The following IL7 variants were observed in gnomAD, a reference collection of about 807,000 sequenced individuals.
The protein encoded by IL7 is interleukin-7.
Under a neutral mutation model 21.6 loss-of-function variants are expected in IL7, and 3 were observed. That is an observed-to-expected ratio of 0.14 (90% confidence interval 0.06 to 0.36). The LOEUF is 0.36. Among genes scored for constraint, IL7 ranks in the 10% least tolerant of loss-of-function variants. IL7 has a pLI of 1.00. For synonymous variants in IL7, 62 were observed against 68.1 expected (o/e 0.91, Z 0.44); for missense variants, 175 against 200.2 (o/e 0.87, Z 0.76).
At chr8:78,738,019 G>A (rs886823610) in intron 4 of IL7, among the ~76,000 whole-genome samples, 6 of 152,000 alleles carry the variant, frequency 3.9e-5, no homozygotes, top group Non-Finnish European at 8.8e-5. Flanking sequence ...TAGAAAAGTA[G>A]GAAAATATTA....
At chr8:78,789,807 G>A (rs1813626533) in intron 2 of IL7, among the ~76,000 whole-genome samples, 1 of 152,170 alleles carries the variant, frequency 6.6e-6, no homozygotes, top group Non-Finnish European at 1.5e-5. Flanking sequence ...TGAGATGAAG[G>A]CCATCAAAGA....
intron 2 of IL7, chr8:78,761,515 T>G (rs1454114658): frequency 2.0e-5 from 33 of 1,611,778 alleles, no homozygotes; most frequent in Non-Finnish European, 2.7e-5. Context: ...CAGCCAAAAT[T>G]TCTGCATCAG....
chr8:78,771,548 C>G (rs923743048), intron 2 of IL7, among the ~76,000 whole-genome samples: 2 of 152,054 alleles, frequency 1.3e-5, no homozygotes, highest in African/African-American at 4.8e-5. Flanking sequence ...ATTAATGCCA[C>G]ATGGAGAAAC....
chr8:78,684,484 A>C (rs1809894214), intron 4 of IL7, among the ~76,000 whole-genome samples: 1 of 152,182 alleles, frequency 6.6e-6, no homozygotes, highest in Non-Finnish European at 1.5e-5. Context: ...TACCCCCATA[A>C]CAGGTGGAGT....
intron 2 of IL7, among the ~76,000 whole-genome samples, chr8:78,773,299 C>T (rs138582230): frequency 2.5e-4 from 38 of 152,216 alleles, no homozygotes; most frequent in African/African-American, 8.9e-4. Context: ...AAAACCCACA[C>T]AGACACGGGG....
chr8:78,716,804 A>G (rs2717539), downstream of IL7, among the ~76,000 whole-genome samples: 104,202 of 152,036 alleles, frequency 0.69, 36,568 homozygotes, highest in East Asian at 0.91. Flanking sequence ...CGATTGGATC[A>G]TGGGGGTGGA....
chr8:78,707,027 G>A lies in IL7; in HGVS notation n.214+14321C>T, dbSNP rs150845834. Among the ~76,000 whole-genome samples the A allele has an allele frequency of 1.7e-3, 265 of 152,254 alleles. 1 individual carries two copies. The highest frequency in any genetic ancestry group is 6.1e-3 in the African/African-American group (255 of 41,540). ...AAAAGTAAAAAAATTTTATCTTTTA[G>A]TGGTAAGAAACTGATCTGATTTATT... On this transcript the variant is annotated intron_variant and non_coding_transcript_variant, in intron 3 of 4. Coordinates refer to the IL7 transcript ENST00000523959.
chr8:78,740,661 A>C (rs1372364094), intron 2 of IL7, among the ~76,000 whole-genome samples: 1 of 152,218 alleles, frequency 6.6e-6, no homozygotes, highest in Non-Finnish European at 1.5e-5. Context: ...AACAGTCACA[A>C]CTAATTAATT....
downstream of IL7, among the ~76,000 whole-genome samples, chr8:78,730,454 T>A (rs567388173): frequency 5.7e-4 from 87 of 152,090 alleles, no homozygotes; most frequent in Admixed American, 1.2e-3. Flanking sequence ...AAAAGATGTT[T>A]CACAACAAAT....
At chr8:78,731,907 A>G (rs974746566), downstream of IL7, among the ~76,000 whole-genome samples, 3 of 152,142 alleles carry the variant, frequency 2.0e-5, no homozygotes, top group African/African-American at 4.8e-5. Flanking sequence ...TTTAAAAAAT[A>G]TTGACCCTTA....
intron 3 of IL7, among the ~76,000 whole-genome samples, chr8:78,688,163 C>T (rs2130497426): frequency 6.6e-6 from 1 of 151,670 alleles, no homozygotes; most frequent in South Asian, 2.1e-4. Context: ...TGATCCTGGG[C>T]CTCTTTTAAT....
chr8:78,689,154 C>A, intron 3 of IL7: 1 of 1,215,952 alleles, frequency 8.2e-7, no homozygotes, highest in South Asian at 2.9e-5. Context: ...TGCATAGAAA[C>A]TTAAGATTTT....
intron 3 of IL7, among the ~76,000 whole-genome samples, chr8:78,691,871 T>A (rs906422477): frequency 1.3e-5 from 2 of 152,176 alleles, no homozygotes; most frequent in East Asian, 3.8e-4. Flanking sequence ...TGTATTGTTA[T>A]ACTTACTGCC....
intron 4 of IL7, among the ~76,000 whole-genome samples, chr8:78,682,244 A>G (rs773699047): frequency 3.9e-4 from 59 of 152,192 alleles, no homozygotes; most frequent in Non-Finnish European, 6.0e-4. Flanking sequence ...ACTGTAACCA[A>G]TACCATAAGT....
chr8:78,693,145 G>T (rs1198377736), intron 3 of IL7, among the ~76,000 whole-genome samples: 1 of 151,982 alleles, frequency 6.6e-6, no homozygotes, highest in Non-Finnish European at 1.5e-5. Context: ...TGGACATTTG[G>T]GTTGGTTCCA....
chr8:78,687,541 T>A (rs953047315), intron 3 of IL7, among the ~76,000 whole-genome samples: 1 of 143,724 alleles, frequency 7.0e-6, no homozygotes, highest in African/African-American at 2.5e-5. Flanking sequence ...TATATTTATA[T>A]AATAAATTTT....
In IL7 at chr8:78,760,205, A is replaced by G. The variant is rs1242625672; in HGVS notation, c.148-20123T>C. 5.1e-6 allele frequency: 8 copies of G among 1,579,846 alleles called. No individual in the cohort carries two copies. The Admixed American group carries it at 1.1e-4, about 22-fold the overall frequency. ...GCTCTGACTTACTTGTATAGAGTTT[A>G]ATATATGTGTCCACCATTAAATCCA... On this transcript the variant is annotated intron_variant, in intron 2 of 5. Transcript: ENST00000263851.
intron 2 of IL7, among the ~76,000 whole-genome samples, chr8:78,768,649 T>C (rs1156715369): frequency 6.6e-6 from 1 of 151,790 alleles, no homozygotes; most frequent in African/African-American, 2.4e-5. Context: ...TTGTTTGAGT[T>C]CATTGTAGAT....
At chr8:78,761,975 T>A in intron 2 of IL7, 2 of 1,608,362 alleles carry the variant, frequency 1.2e-6, no homozygotes, top group Non-Finnish European at 1.7e-6. Flanking sequence ...AGGTAAAATG[T>A]CCTCATCTTG....
Sources: gnomAD v4.1 joint callset for allele counts (sites outside exome capture counted in the v4.1 genomes callset) on GRCh38, gnomAD v4.1.1 for gene constraint, MANE v1.5 for transcripts, NCBI Gene and HGNC (gene_info 2026-07-23, HGNC 2026-07-21) for gene names.